MLANA: variants seen among roughly 807,000 people sequenced by gnomAD.
MLANA encodes the protein melan-A, also known as melanoma antigen recognized by T-cells 1.
In MLANA, 21 loss-of-function variants were observed where a neutral mutation model predicts 15.7. The observed-to-expected ratio is 1.33, with a 90% CI of 0.95 to 1.92. The LOEUF is 1.92. Ranked by LOEUF, MLANA falls within the 40% of genes most tolerant of loss-of-function variation. MLANA has a pLI of 0.00. For missense variants in MLANA, 164 were observed against 143.8 expected (o/e 1.14, Z -0.72); for synonymous variants, 56 against 51.5 (o/e 1.09, Z -0.37).
intron 3 of MLANA, among the ~76,000 whole-genome samples, chr9:5,903,119 G>A (rs1471207951): frequency 6.6e-6 from 1 of 152,144 alleles, no homozygotes; most frequent in African/African-American, 2.4e-5. Context: ...TAATCTCCAA[G>A]TGTTGGGAAT....
intron 3 of MLANA, among the ~76,000 whole-genome samples, chr9:5,902,474 T>A (rs1337432262): frequency 1.3e-5 from 2 of 152,028 alleles, no homozygotes; most frequent in Non-Finnish European, 2.9e-5. Context: ...CTTTCCTTTT[T>A]TTTTTCTAGA....
In MLANA at chr9:5,910,207, T is replaced by G. The variant is rs1443126097; in HGVS notation, c.*1499T>G. ...ATTACTTTCTCACTATATGATTCAT[T>G]GCTATTTAACGGTGAGTCAGTAAAC... is the stretch of plus-strand genomic sequence containing the variant. On this transcript the variant is annotated 3_prime_UTR_variant, in exon 5 of 5. Coordinates refer to ENST00000381477, the MANE Select transcript of MLANA (RefSeq NM_005511.2). 2 of 152,200 alleles carry G rather than the reference T, an allele frequency of 1.3e-5. No individual in the cohort carries two copies. Among genetic ancestry groups the G allele is most frequent in the Admixed American group, 1.3e-4 (2 of 15,276 alleles). The allele number at this position is 152,200 out of a possible 1,614,324, so 9.4% of individuals were successfully genotyped here. A position where few individuals can be genotyped will look rare whatever the true frequency, so the allele number is the denominator to read the frequency against.
intron 3 of MLANA, among the ~76,000 whole-genome samples, chr9:5,905,359 CT>C (rs1333324640): frequency 1.3e-5 from 2 of 152,146 alleles, no homozygotes; most frequent in Admixed American, 6.5e-5. Flanking sequence ...TACTCCCTCC[CT>C]TTTAGAGTTT....
chr9:5,906,329 CAAA>C (rs140690425), intron 3 of MLANA, among the ~76,000 whole-genome samples: 2 of 132,570 alleles, frequency 1.5e-5, no homozygotes, highest in African/African-American at 2.8e-5. Flanking sequence ...GACTCTGTCT[CAAA>C]AAAAAAAAAA....
chr9:5,892,197 T>G (rs1831698031), intron 1 of MLANA, among the ~76,000 whole-genome samples: 1 of 152,214 alleles, frequency 6.6e-6, no homozygotes, highest in Non-Finnish European at 1.5e-5. Context: ...CTTGCAAGTC[T>G]TTTTTGCTTT....
chr9:5,899,514 G>T (rs1194693754), intron 3 of MLANA, among the ~76,000 whole-genome samples: 2 of 152,144 alleles, frequency 1.3e-5, no homozygotes, highest in Admixed American at 1.3e-4. Flanking sequence ...TGGGAAGGAG[G>T]AGGAGTTGAT....
intron 1 of MLANA, chr9:5,891,311 T>G (rs1831643994): frequency 6.6e-6 from 1 of 152,248 alleles, no homozygotes. Flanking sequence ...AGGTATGGGA[T>G]GTATTAAAAC....
intron 3 of MLANA, among the ~76,000 whole-genome samples, chr9:5,902,837 GC>G (rs1389632336): frequency 2.6e-5 from 4 of 151,832 alleles, no homozygotes; most frequent in African/African-American, 9.7e-5. Flanking sequence ...ATTGATTTCT[GC>G]TCTAATTTTT....
intron 3 of MLANA, among the ~76,000 whole-genome samples, chr9:5,902,695 CAG>C (rs1333711632): frequency 1.3e-5 from 2 of 150,992 alleles, no homozygotes; most frequent in Non-Finnish European, 2.9e-5. Context: ...TTTGTAGAGA[CAG>C]AGTCTCACTA....
chr9:5,908,837 CAG>C lies in MLANA; in HGVS notation c.*130_*131del. ...ATGCAAGCCATCTCTAATAATAAGTCAGTGTTAAAATTTTAGTAGGTCCGCTA... is the reference window on the plus strand; with the variant it reads ...ATGCAAGCCATCTCTAATAATAAGTCTGTTAAAATTTTAGTAGGTCCGCTA... On this transcript the variant is annotated 3_prime_UTR_variant, in exon 5 of 5. Transcript: ENST00000381477. 2 of 836,534 alleles carry C rather than the reference CAG, an allele frequency of 2.4e-6. No individual in the cohort carries two copies. The highest frequency in any genetic ancestry group is 2.3e-4 in the Middle Eastern group (1 of 4,424). 51.8% of individuals were successfully genotyped at this position (836,534 alleles called of 1,614,324 possible). A position where few individuals can be genotyped will look rare whatever the true frequency, so the allele number is the denominator to read the frequency against.
At chr9:5,898,587 T>G (rs993503614) in intron 3 of MLANA, among the ~76,000 whole-genome samples, 1 of 152,190 alleles carries the variant, frequency 6.6e-6, no homozygotes, top group Non-Finnish European at 1.5e-5. Flanking sequence ...CTGGATGTTG[T>G]GTGTAGCTAA....
chr9:5,905,888 A>G (rs1177061405), intron 3 of MLANA, among the ~76,000 whole-genome samples: 1 of 152,254 alleles, frequency 6.6e-6, no homozygotes, highest in African/African-American at 2.4e-5. Flanking sequence ...TCATATCGGC[A>G]CAGAATAAAC....
At chr9:5,899,577 T>G (rs1266212551) in intron 3 of MLANA, among the ~76,000 whole-genome samples, 1 of 152,036 alleles carries the variant, frequency 6.6e-6, no homozygotes, top group East Asian at 1.9e-4. Context: ...AAGCCTTGGG[T>G]TAGAAAGTTA....
Position 5,909,912 on chromosome 9 carries a change from T to G in MLANA, c.*1204T>G, listed in dbSNP as rs1833061805. The stretch of plus-strand genomic sequence containing the variant: ...ACCTACACTATTATTTATCTAATAT[T>G]TCTCTTTCAGGCAGCTCATTTAAAC... On this transcript the variant is annotated 3_prime_UTR_variant, in exon 5 of 5. Coordinates refer to ENST00000381477, the MANE Select transcript of MLANA (RefSeq NM_005511.2). The G allele has an allele frequency of 6.6e-6, 1 of 152,260 alleles. No individual in the cohort carries two copies. The highest frequency in any genetic ancestry group is 1.5e-5 in the Non-Finnish European group (1 of 68,048). 9.4% of individuals were successfully genotyped at this position (152,260 alleles called of 1,614,324 possible).
At position 5,906,972 on chromosome 9, in the gene MLANA, C is replaced by G. The variant is rs775702955; in HGVS notation, c.262C>G (p.Leu88Val). 2 of 1,599,490 alleles carry G rather than the reference C, an allele frequency of 1.3e-6. No individual in the cohort carries two copies. The highest frequency in any genetic ancestry group is 1.7e-6 in the Non-Finnish European group (2 of 1,174,798). ...TGATCATCGGGACAGCAAAGTGTCTCTTCAAGAGAAAAACTGTGAACCTGT... is the reference window on the plus strand; with the variant it reads ...TGATCATCGGGACAGCAAAGTGTCTGTTCAAGAGAAAAACTGTGAACCTGT... ...GFDHRDSKVSLQEKNCEPVVP... is the reference protein window; with the variant it reads ...GFDHRDSKVSVQEKNCEPVVP... Residue 88 changes from leucine to valine, a missense_variant, in exon 4 of 5, where the codon CTT (leucine) becomes GTT (valine). Transcript: ENST00000381477.
intron 3 of MLANA, among the ~76,000 whole-genome samples, chr9:5,903,367 G>A (rs1389508773): frequency 1.3e-5 from 2 of 152,138 alleles, no homozygotes; most frequent in Non-Finnish European, 2.9e-5. Flanking sequence ...GTTCCACTCT[G>A]TCACAGTATA....
rs558075915 is a variant in MLANA at position 5,909,667 on chromosome 9, T to C, written c.*959T>C. 6.6e-6 allele frequency: 1 copy of C among 152,364 alleles called. No homozygotes were observed. Among genetic ancestry groups the C allele is most frequent in the East Asian group, 1.9e-4 (1 of 5,190 alleles). The allele number at this position is 152,364 out of a possible 1,614,324, so 9.4% of individuals were successfully genotyped here. On this transcript the variant is annotated 3_prime_UTR_variant, in exon 5 of 5. Coordinates refer to ENST00000381477, the MANE Select transcript of MLANA (RefSeq NM_005511.2). ...TATTTTCTACTAAACCAGAAATTGG[T>C]AGAAGGATTTAAATAAGTAAAAGCT...
At chr9:5,908,545 G>A in intron 4 of MLANA, 95 bp from the exon 5 acceptor site, 1 of 1,088,152 alleles carries the variant, frequency 9.2e-7, no homozygotes, top group Non-Finnish European at 1.4e-6. Context: ...AGTCCACAGG[G>A]AAAGTATAAA....
At chr9:5,891,996 T>C (rs890949852) in intron 1 of MLANA, among the ~76,000 whole-genome samples, 3 of 152,194 alleles carry the variant, frequency 2.0e-5, no homozygotes, top group Middle Eastern at 3.2e-3. Context: ...TAGCCTCTGT[T>C]TGTCTGTGGG....
Sources: gnomAD v4.1 joint callset for allele counts (sites outside exome capture counted in the v4.1 genomes callset) on GRCh38, gnomAD v4.1.1 for gene constraint, MANE v1.5 for transcripts, NCBI Gene and HGNC (gene_info 2026-07-23, HGNC 2026-07-21) for gene names.